The following SOCS5 variants were observed in gnomAD, a reference collection of about 807,000 sequenced individuals.
The protein encoded by SOCS5 is suppressor of cytokine signaling 5.
SOCS5 carries 32 observed loss-of-function variants against 42.8 expected under a neutral mutation model. That is an observed-to-expected ratio of 0.75 (90% CI 0.56 to 1.01). SOCS5 has a LOEUF of 1.01. Among genes scored for constraint, SOCS5 ranks in the 50% least tolerant of loss-of-function variants. The probability of loss-of-function intolerance (pLI) is 0.00; values close to 1 mark genes in which losing one functional copy is unlikely to be tolerated. For missense variants in SOCS5, 627 were observed against 653.0 expected (o/e 0.96, Z 0.43); for synonymous variants, 283 against 229.6 (o/e 1.23, Z -2.10).
chr2:46,708,544 A>T (rs1672545414), intron 1 of SOCS5, among the ~76,000 whole-genome samples: 1 of 152,326 alleles, frequency 6.6e-6, no homozygotes, highest in East Asian at 1.9e-4. Context: ...TCTAAATGAT[A>T]ATGCGTTCAG....
At chr2:46,726,934 T>G (rs1673007072) in intron 1 of SOCS5, among the ~76,000 whole-genome samples, 2 of 151,360 alleles carry the variant, frequency 1.3e-5, no homozygotes, top group Non-Finnish European at 2.9e-5. Context: ...TTTTATATTT[T>G]TATTAGAGAC....
At position 46,756,163 on chromosome 2, in the gene SOCS5, T is replaced by A. The variant is rs368724855; in HGVS notation, c.-12-2356T>A. Among the ~76,000 whole-genome samples, 8 of 152,330 alleles carry A rather than the reference T, an allele frequency of 5.3e-5. No individual in the cohort carries two copies. In the East Asian group the frequency reaches 5.8e-4, roughly 11 times the overall value. On this transcript the variant is annotated intron_variant, in intron 1 of 1. Coordinates refer to ENST00000394861, the MANE Select transcript of SOCS5 (RefSeq NM_144949.3). ...AGGAGATGAGTGGTTTTAGGTTAGG[T>A]CACTTTTTAAAAGTTATTTTTTGGG...
At chr2:46,725,696 T>G (rs1424679540) in intron 1 of SOCS5, among the ~76,000 whole-genome samples, 2 of 152,154 alleles carry the variant, frequency 1.3e-5, no homozygotes, top group Non-Finnish European at 2.9e-5. Flanking sequence ...ACCTCAGCAT[T>G]CATTGGATGG....
intron 1 of SOCS5, among the ~76,000 whole-genome samples, chr2:46,703,614 T>C (rs1024442840): frequency 1.3e-5 from 2 of 152,198 alleles, no homozygotes; most frequent in African/African-American, 2.4e-5. Flanking sequence ...GCTCATTTTT[T>C]CATTAGGTTG....
At chr2:46,709,548 C>G (rs936967858) in intron 1 of SOCS5, among the ~76,000 whole-genome samples, 1 of 152,084 alleles carries the variant, frequency 6.6e-6, no homozygotes, top group Non-Finnish European at 1.5e-5. Context: ...AGGAATAACA[C>G]TATTAGGAGT....
chr2:46,733,181 G>A (rs995357099), intron 1 of SOCS5, among the ~76,000 whole-genome samples: 9 of 151,934 alleles, frequency 5.9e-5, no homozygotes, highest in Admixed American at 5.9e-4. Flanking sequence ...TGCCATCTCC[G>A]CCTCCCGGGT....
At chr2:46,740,435 T>G (rs966823593) in intron 1 of SOCS5, among the ~76,000 whole-genome samples, 1 of 152,224 alleles carries the variant, frequency 6.6e-6, no homozygotes, top group African/African-American at 2.4e-5. Flanking sequence ...GGTGGAGTAC[T>G]GGTTACTGTA....
At chr2:46,753,551 G>C (rs1673670810) in intron 1 of SOCS5, among the ~76,000 whole-genome samples, 1 of 152,194 alleles carries the variant, frequency 6.6e-6, no homozygotes, top group Admixed American at 6.6e-5. Flanking sequence ...CAGACCCCAA[G>C]AGAGGGTTCT....
intron 1 of SOCS5, among the ~76,000 whole-genome samples, chr2:46,716,551 C>T (rs1672749338): frequency 6.6e-6 from 1 of 151,922 alleles, no homozygotes; most frequent in Non-Finnish European, 1.5e-5. Flanking sequence ...AAACATGGCG[C>T]ACTGCAGCCT....
intron 1 of SOCS5, among the ~76,000 whole-genome samples, chr2:46,702,976 G>T (rs1672376602): frequency 6.6e-6 from 1 of 152,058 alleles, no homozygotes. Context: ...CATCTTTGTG[G>T]TCTTTCCTTA....
At chr2:46,708,928 C>G (rs1179648188) in intron 1 of SOCS5, among the ~76,000 whole-genome samples, 2 of 133,428 alleles carry the variant, frequency 1.5e-5, no homozygotes, top group Non-Finnish European at 3.1e-5. Context: ...CGCTCTGTTG[C>G]CAGGCTGGTA....
chr2:46,731,265 C>T (rs547790504), intron 1 of SOCS5, among the ~76,000 whole-genome samples: 31 of 152,194 alleles, frequency 2.0e-4, no homozygotes, highest in East Asian at 1.9e-3. Context: ...TGCCTTTGTA[C>T]GGAGCTGAAA....
At chr2:46,749,897 GAAA>G (rs1558411866) in intron 1 of SOCS5, among the ~76,000 whole-genome samples, 1 of 152,118 alleles carries the variant, frequency 6.6e-6, no homozygotes. Context: ...AGAACTGAAA[GAAA>G]GAAGTATTTT....
chr2:46,726,888 C>G (rs1371355285), intron 1 of SOCS5, among the ~76,000 whole-genome samples: 1 of 151,502 alleles, frequency 6.6e-6, no homozygotes, highest in Non-Finnish European at 1.5e-5. Flanking sequence ...TCACGAATAG[C>G]TGGAATTACA....
chr2:46,761,566 A>T lies in SOCS5; in HGVS notation c.*1425A>T, dbSNP rs1206390743. ...ATGTTTCTGCTTGCTGTGCCTTGTT[A>T]TGGCTGCTTTTTTTGTGCTAATAAA... On this transcript the variant is annotated 3_prime_UTR_variant, in exon 2 of 2. Coordinates refer to ENST00000394861, the MANE Select transcript of SOCS5 (RefSeq NM_144949.3). 6.0e-6 allele frequency: 1 copy of T among 166,972 alleles called. No homozygotes were observed. The highest frequency in any genetic ancestry group is 1.9e-4 in the East Asian group (1 of 5,206). 10.3% of individuals were successfully genotyped at this position (166,972 alleles called of 1,614,324 possible). A position where few individuals can be genotyped will look rare whatever the true frequency, so the allele number is the denominator to read the frequency against.
intron 1 of SOCS5, among the ~76,000 whole-genome samples, chr2:46,747,536 T>G (rs1389085089): frequency 6.6e-6 from 1 of 152,188 alleles, no homozygotes; most frequent in African/African-American, 2.4e-5. Context: ...AAATCTGTTT[T>G]ATATCTCCAT....
At chr2:46,744,247 C>A (rs1194198152) in intron 1 of SOCS5, among the ~76,000 whole-genome samples, 2 of 152,206 alleles carry the variant, frequency 1.3e-5, no homozygotes, top group Non-Finnish European at 2.9e-5. Flanking sequence ...GCCTCGGCCT[C>A]CCAAAGTTCT....
rs1353920250 is a variant in SOCS5 at position 46,742,783 on chromosome 2, A to G, written c.-12-15736A>G. Among the ~76,000 whole-genome samples the G allele has an allele frequency of 3.9e-5, 6 of 152,056 alleles. No individual in the cohort carries two copies. The East Asian group carries it at 1.2e-3, about 29-fold the overall frequency. On this transcript the variant is annotated intron_variant, in intron 1 of 1. Transcript: ENST00000394861. ...CAGGTTTAAGCGATCCTTCTGCCTCAGCCTCCCGAGTAGCTCACATTACAG... is the reference window on the plus strand; with the variant it reads ...CAGGTTTAAGCGATCCTTCTGCCTCGGCCTCCCGAGTAGCTCACATTACAG...
chr2:46,734,179 A>G (rs1313408113), intron 1 of SOCS5, among the ~76,000 whole-genome samples: 1 of 152,214 alleles, frequency 6.6e-6, no homozygotes, highest in Admixed American at 6.5e-5. Flanking sequence ...TTTTCTTAAT[A>G]GGACACTGGT....
Sources: gnomAD v4.1 joint callset for allele counts (sites outside exome capture counted in the v4.1 genomes callset) on GRCh38, gnomAD v4.1.1 for gene constraint, MANE v1.5 for transcripts, NCBI Gene and HGNC (gene_info 2026-07-23, HGNC 2026-07-21) for gene names.